UVSSA: variants seen among roughly 807,000 people sequenced by gnomAD.
The protein encoded by UVSSA is UV stimulated scaffold protein A, also known as UV-stimulated scaffold protein A.
In UVSSA, 72 loss-of-function variants were observed where a neutral mutation model predicts 73.9. The ratio of observed to expected loss-of-function variants is 0.97; its 90% CI spans 0.81 to 1.19. UVSSA has a LOEUF of 1.19. Among genes scored for constraint, UVSSA ranks in the 50% most tolerant of loss-of-function variants. The pLI is 0.00. For missense variants in UVSSA, 1,150 were observed against 965.0 expected, an observed-to-expected ratio of 1.19 and a Z score of -2.54; for synonymous variants, 454 against 391.3, an observed-to-expected ratio of 1.16 and a Z score of -1.89.
intron 2 of UVSSA, 55 bp downstream of exon 2, chr4:1,348,244 A>G (rs1439910267): frequency 7.1e-7 from 1 of 1,407,128 alleles, no homozygotes; most frequent in Non-Finnish European, 1.0e-6. Context: ...CCCAGGACAC[A>G]CACAGGGCCC....
intron 9 of UVSSA, 117 bp downstream of exon 9, chr4:1,375,625 A>C: frequency 6.8e-7 from 1 of 1,470,680 alleles, no homozygotes; most frequent in South Asian, 1.3e-5. Flanking sequence ...TCTTGGTGGA[A>C]GCCTTGGGTG....
chr4:1,380,526 G>A (rs763271680), intron 11 of UVSSA: 29 of 985,516 alleles, frequency 2.9e-5, no homozygotes, highest in Non-Finnish European at 3.6e-5. Flanking sequence ...GGTCTGTGCT[G>A]GGCCTGGGAT....
chr4:1,365,903 A>G (rs971863571), intron 7 of UVSSA, among the ~76,000 whole-genome samples: 9 of 141,642 alleles, frequency 6.4e-5, no homozygotes, highest in African/African-American at 1.6e-4. Context: ...CCACCTGGTG[A>G]GAAGATAACT....
intron 7 of UVSSA, among the ~76,000 whole-genome samples, chr4:1,355,542 C>T (rs1421083395): frequency 6.6e-6 from 1 of 152,210 alleles, no homozygotes; most frequent in Non-Finnish European, 1.5e-5. Context: ...AGGCTGTCCC[C>T]CCCGTGACTC....
At chr4:1,360,398 C>A (rs925250351) in intron 7 of UVSSA, among the ~76,000 whole-genome samples, 2 of 152,248 alleles carry the variant, frequency 1.3e-5, no homozygotes, top group African/African-American at 4.8e-5. Context: ...CATGCTGTTA[C>A]CCCTTTCGTT....
upstream of UVSSA, among the ~76,000 whole-genome samples, chr4:1,345,803 G>A (rs549604327): frequency 6.6e-6 from 1 of 152,170 alleles, no homozygotes; most frequent in Admixed American, 6.5e-5. Context: ...GGTAAGAAAA[G>A]TTGGATAAAG....
chr4:1,379,463 C>T (rs1041794141), intron 10 of UVSSA, among the ~76,000 whole-genome samples: 1 of 151,718 alleles, frequency 6.6e-6, no homozygotes, highest in Non-Finnish European at 1.5e-5. Context: ...AACAGCAGAG[C>T]GTGGGAGCGG....
rs375462314 is a variant in UVSSA, at chr4:1,355,189, G to C, written c.1120G>C (p.Val374Leu). The part of the protein sequence containing the change: ...AIDLKAELEL[V>L]LRKYKELDIE... The stretch of plus-strand genomic sequence containing the variant: ...TGACCTGAAGGCTGAATTGGAGCTC[G>C]TACTGAGAAAATACAAGGAGCTGGA... The change falls in exon 7 of 14, where the codon GTA becomes CTA. Residue 374 changes from valine (V) to leucine (L), a missense_variant. Transcript: ENST00000389851. The C allele has an allele frequency of 2.5e-6, 4 of 1,613,716 alleles. 1 individual carries two copies. The highest frequency in any genetic ancestry group is 3.4e-6 in the Non-Finnish European group (4 of 1,179,852).
rs375339922 is a variant in UVSSA, at chr4:1,385,818, G to A, written c.2037-50G>A. On this transcript the variant is annotated intron_variant, in intron 13 of 13. Coordinates refer to ENST00000389851, the MANE Select transcript of UVSSA (RefSeq NM_020894.4). ...TGGTGATGCCGCCACTGGGAGCCCA[G>A]GCCCCTGGCGGAAGCCTCCCAGGTC... 1.2e-4 allele frequency: 186 copies of A among 1,599,192 alleles called. 1 individual carries two copies. In the East Asian group the frequency reaches 2.7e-3, roughly 23 times the overall value.
At chr4:1,350,297 T>A (rs1714501621) in intron 3 of UVSSA, among the ~76,000 whole-genome samples, 1 of 152,072 alleles carries the variant, frequency 6.6e-6, no homozygotes, top group Non-Finnish European at 1.5e-5. Context: ...CCCACCAGGA[T>A]CTGCCACTGT....
chr4:1,348,063 T>C (rs769316499), intron 1 of UVSSA, 27 bp from the exon 2 acceptor site: 18 of 1,546,562 alleles, frequency 1.2e-5, no homozygotes, highest in East Asian at 2.2e-5. Context: ...GATGGTGATA[T>C]AGCATCTCTG....
chr4:1,389,788 G>GT (rs1720361974), downstream of UVSSA: 1 of 152,102 alleles, frequency 6.6e-6, no homozygotes, highest in Non-Finnish European at 1.5e-5. Context: ...ACCTCTCAAA[G>GT]TGCTGGGATT....
At chr4:1,380,652 C>T in intron 11 of UVSSA, 1 of 1,528,300 alleles carries the variant, frequency 6.5e-7, no homozygotes, top group East Asian at 2.5e-5. Context: ...CTTTCCACAG[C>T]TGCCCAAGAC....
chr4:1,388,847 T>C (rs993349747), downstream of UVSSA: 1 of 152,216 alleles, frequency 6.6e-6, no homozygotes, highest in Non-Finnish European at 1.5e-5. Flanking sequence ...CTGCTGGCTT[T>C]GGTTTGCTAG....
Position 1,353,151 on chromosome 4 carries a change from C to T in UVSSA, c.672C>T (p.Ser224=), listed in dbSNP as rs776359468. The part of the protein sequence containing the change: ...TESLGMASGM[S]DALRSSCAGQ... ...CCCTTGGCATGGCTTCTGGCATGTCCGATGCCCTTCGCTCCTCCTGCGCGG... is the reference window on the plus strand; with the variant it reads ...CCCTTGGCATGGCTTCTGGCATGTCTGATGCCCTTCGCTCCTCCTGCGCGG... The change falls in exon 5 of 14, where the codon TCC becomes TCT. Residue 224 remains serine (S), a synonymous_variant. Coordinates refer to ENST00000389851, the MANE Select transcript of UVSSA (RefSeq NM_020894.4). 22 of 1,612,896 alleles carry T rather than the reference C, an allele frequency of 1.4e-5. No individual in the cohort carries two copies. The highest frequency in any genetic ancestry group is 7.7e-5 in the South Asian group (7 of 91,084).
In UVSSA at chr4:1,387,632, G is replaced by T. The variant is rs1419583248; in HGVS notation, c.*1671G>T. ...CATTGTGAATTAAGTTTTGTGTGTGGTGTAAGAGCCCACATTCTTTTGCAT... is the reference window on the plus strand; with the variant it reads ...CATTGTGAATTAAGTTTTGTGTGTGTTGTAAGAGCCCACATTCTTTTGCAT... On this transcript the variant is annotated 3_prime_UTR_variant, in exon 14 of 14. Transcript: ENST00000389851. The T allele has an allele frequency of 6.6e-6, 1 of 151,758 alleles. No homozygotes were observed. The highest frequency in any genetic ancestry group is 1.5e-5 in the Non-Finnish European group (1 of 67,946). 9.4% of individuals were successfully genotyped at this position (151,758 alleles called of 1,614,324 possible).
intron 9 of UVSSA, 151 bp downstream of exon 9, chr4:1,375,659 T>G (rs1718678333): frequency 1.6e-6 from 2 of 1,287,054 alleles, no homozygotes; most frequent in Non-Finnish European, 2.1e-6. Context: ...GGGTGAGCAG[T>G]GTTGGTGCCA....
rs552607957 is a variant in UVSSA, at chr4:1,387,726, C to T, written c.*1765C>T. ...TTTTCCCCATTGAATTATCTTCGCA[C>T]CATTATTGATAATCAGTTGACCAAA... On this transcript the variant is annotated 3_prime_UTR_variant, in exon 14 of 14. Transcript: ENST00000389851. 2.0e-5 allele frequency: 3 copies of T among 152,310 alleles called. No individual in the cohort carries two copies. Among genetic ancestry groups the T allele is most frequent in the African/African-American group, 7.2e-5 (3 of 41,568 alleles). The allele number at this position is 152,310 out of a possible 1,614,324, so 9.4% of individuals were successfully genotyped here.
intron 3 of UVSSA, among the ~76,000 whole-genome samples, chr4:1,350,764 C>CT (rs921728094): frequency 8.5e-5 from 10 of 117,070 alleles, no homozygotes; most frequent in African/African-American, 3.9e-4. Flanking sequence ...ACCGTTGTCT[C>CT]TTAAAAAAAA....
Sources: gnomAD v4.1 joint callset for allele counts (sites outside exome capture counted in the v4.1 genomes callset) on GRCh38, gnomAD v4.1.1 for gene constraint, MANE v1.5 for transcripts, NCBI Gene and HGNC (gene_info 2026-07-23, HGNC 2026-07-21) for gene names.